The following CDK6 variants were observed in gnomAD, a reference collection of about 807,000 sequenced individuals.
The protein encoded by CDK6 is cyclin dependent kinase 6.
A neutral mutation model predicts 37.1 loss-of-function variants in CDK6; 6 were observed. That is an observed-to-expected ratio of 0.16 (90% CI 0.09 to 0.32). The LOEUF is 0.32. Among genes scored for constraint, CDK6 ranks in the 10% least tolerant of loss-of-function variants. The pLI is 1.00. For synonymous variants in CDK6, 160 were observed against 161.3 expected (o/e 0.99, Z 0.06); for missense variants, 224 against 418.9 (o/e 0.53, Z 4.06).
At chr7:92,790,671 T>C (rs1237469093) in intron 2 of CDK6, among the ~76,000 whole-genome samples, 1 of 152,190 alleles carries the variant, frequency 6.6e-6, no homozygotes, top group African/African-American at 2.4e-5. Flanking sequence ...TGTATACACA[T>C]ATACTTATTC....
At chr7:92,678,487 C>T (rs1272748530) in intron 4 of CDK6, among the ~76,000 whole-genome samples, 2 of 152,194 alleles carry the variant, frequency 1.3e-5, no homozygotes, top group African/African-American at 2.4e-5. Flanking sequence ...TCTGTTTAAA[C>T]TGCTTTGATC....
intron 4 of CDK6, among the ~76,000 whole-genome samples, chr7:92,675,314 C>T (rs1216534727): frequency 3.3e-5 from 5 of 152,128 alleles, no homozygotes; most frequent in African/African-American, 1.2e-4. Flanking sequence ...AATTTAGTTA[C>T]CACTCAAAAT....
intron 4 of CDK6, among the ~76,000 whole-genome samples, chr7:92,686,904 G>C (rs1797468482): frequency 2.6e-5 from 4 of 151,888 alleles, no homozygotes; most frequent in Admixed American, 2.0e-4. Context: ...ATATTTGTTG[G>C]CCATTTGTAT....
rs543549696 is a variant in CDK6, at chr7:92,689,832, T to C, written c.538-18297A>G. The stretch of plus-strand genomic sequence containing the variant: ...CTTTTTAATAATAGCAATCTGATGG[T>C]GTGAGATAATATCTCTTGTGGTTTT... On this transcript the variant is annotated intron_variant, in intron 4 of 7. Coordinates refer to ENST00000424848, the MANE Select transcript of CDK6 (RefSeq NM_001145306.2). Among the ~76,000 whole-genome samples the C allele has an allele frequency of 9.8e-5, 15 of 152,312 alleles. No homozygotes were observed. In the East Asian group the frequency reaches 2.9e-3, roughly 29 times the overall value.
At chr7:92,680,449 A>G (rs1462460385) in intron 4 of CDK6, among the ~76,000 whole-genome samples, 3 of 150,816 alleles carry the variant, frequency 2.0e-5, no homozygotes, top group Non-Finnish European at 4.4e-5. Flanking sequence ...AAAAAAAAAA[A>G]AAAAAAAAAA....
In CDK6 at chr7:92,774,677, T is replaced by C; in HGVS notation, c.369+19A>G. On this transcript the variant is annotated intron_variant, in intron 3 of 7. Coordinates refer to ENST00000424848, the MANE Select transcript of CDK6 (RefSeq NM_001145306.2). ...TAATAGTCGACTGCCTGATAAGACA[T>C]GAAGATGATTCTTGATACCTTTATG... 6.3e-7 allele frequency: 1 copy of C among 1,579,408 alleles called. No homozygotes were observed. The highest frequency in any genetic ancestry group is 8.6e-7 in the Non-Finnish European group (1 of 1,166,638).
intron 2 of CDK6, among the ~76,000 whole-genome samples, chr7:92,830,712 GA>G (rs1430738231): frequency 6.6e-6 from 1 of 152,132 alleles, no homozygotes; most frequent in Non-Finnish European, 1.5e-5. Flanking sequence ...GAAGAAACAG[GA>G]AGGAAACAAA....
At chr7:92,657,712 T>G (rs1416181231) in intron 5 of CDK6, among the ~76,000 whole-genome samples, 2 of 152,174 alleles carry the variant, frequency 1.3e-5, no homozygotes, top group Non-Finnish European at 2.9e-5. Flanking sequence ...CCATATTCAC[T>G]TATGTTTTCC....
chr7:92,644,795 T>C (rs1796403109), intron 5 of CDK6, among the ~76,000 whole-genome samples: 1 of 152,208 alleles, frequency 6.6e-6, no homozygotes, highest in East Asian at 1.9e-4. Flanking sequence ...ATCAGCACAC[T>C]CGCCTACTCT....
intron 3 of CDK6, among the ~76,000 whole-genome samples, chr7:92,738,775 T>C (rs1336509390): frequency 3.3e-5 from 5 of 152,322 alleles, no homozygotes; most frequent in East Asian, 3.9e-4. Context: ...ATACAATTTA[T>C]GTATTCAGTG....
At chr7:92,832,068 C>T (rs1208927362) in intron 2 of CDK6, among the ~76,000 whole-genome samples, 31 of 152,190 alleles carry the variant, frequency 2.0e-4, no homozygotes, top group Non-Finnish European at 4.4e-5. Flanking sequence ...TACACATTTT[C>T]TCAAGATCGA....
intron 5 of CDK6, among the ~76,000 whole-genome samples, chr7:92,631,294 G>A (rs2116512405): frequency 6.6e-6 from 1 of 152,164 alleles, no homozygotes; most frequent in East Asian, 1.9e-4. Context: ...AAACTGGGAT[G>A]GTTGGTCACC....
chr7:92,745,219 T>C (rs1268826147), intron 3 of CDK6, among the ~76,000 whole-genome samples: 1 of 152,240 alleles, frequency 6.6e-6, no homozygotes, highest in Non-Finnish European at 1.5e-5. Flanking sequence ...ATTTTATCTA[T>C]CATTCTTGAA....
At chr7:92,640,567 G>A (rs1248004251) in intron 5 of CDK6, among the ~76,000 whole-genome samples, 6 of 152,184 alleles carry the variant, frequency 3.9e-5, no homozygotes, top group Non-Finnish European at 8.8e-5. Flanking sequence ...GGTCCTGACA[G>A]AATCTAACCT....
chr7:92,710,119 G>C (rs888230105), intron 4 of CDK6, among the ~76,000 whole-genome samples: 1 of 152,124 alleles, frequency 6.6e-6, no homozygotes, highest in Non-Finnish European at 1.5e-5. Flanking sequence ...CTGTACATTC[G>C]TTGTTCACCC....
intron 3 of CDK6, among the ~76,000 whole-genome samples, 164 bp from the exon 4 acceptor site, chr7:92,725,957 C>T (rs1798502721): frequency 6.6e-6 from 1 of 152,114 alleles, no homozygotes; most frequent in South Asian, 2.1e-4. Context: ...TGCCTTTCCA[C>T]TCCCACACTT....
At chr7:92,714,375 T>C (rs1457451789) in intron 4 of CDK6, among the ~76,000 whole-genome samples, 1 of 151,980 alleles carries the variant, frequency 6.6e-6, no homozygotes, top group East Asian at 1.9e-4. Flanking sequence ...GATCATAGGG[T>C]GTGTGGAGAT....
chr7:92,610,745 G>A lies in CDK6; in HGVS notation c.*4395C>T, dbSNP rs1795545200. On this transcript the variant is annotated 3_prime_UTR_variant, in exon 8 of 8. Transcript: ENST00000424848. ...CAATAAGTTTTTCCACTGTGGAGATGGAACATGTAAATATCTTCCTAATTA... is the reference window on the plus strand; with the variant it reads ...CAATAAGTTTTTCCACTGTGGAGATAGAACATGTAAATATCTTCCTAATTA... 4.4e-6 allele frequency: 1 copy of A among 227,968 alleles called. No homozygotes were observed. The highest frequency in any genetic ancestry group is 8.7e-6 in the Non-Finnish European group (1 of 114,840). 14.1% of individuals were successfully genotyped at this position (227,968 alleles called of 1,614,324 possible). A position where few individuals can be genotyped will look rare whatever the true frequency, so the allele number is the denominator to read the frequency against.
intron 4 of CDK6, among the ~76,000 whole-genome samples, chr7:92,677,715 T>C (rs1797239384): frequency 6.6e-6 from 1 of 152,246 alleles, no homozygotes; most frequent in African/African-American, 2.4e-5. Context: ...CAAGAGAGCA[T>C]CCCCAGTTTT....
Sources: gnomAD v4.1 joint callset for allele counts (sites outside exome capture counted in the v4.1 genomes callset) on GRCh38, gnomAD v4.1.1 for gene constraint, MANE v1.5 for transcripts, NCBI Gene and HGNC (gene_info 2026-07-23, HGNC 2026-07-21) for gene names.